GPC6: variants seen among roughly 807,000 people sequenced by gnomAD.
The protein encoded by GPC6 is glypican-6.
A neutral mutation model predicts 55.2 loss-of-function variants in GPC6; 14 were observed. That is an observed-to-expected ratio of 0.25 (90% CI 0.17 to 0.40). GPC6 has a LOEUF of 0.40. Ranked by LOEUF, GPC6 falls within the 10% of genes least tolerant of loss-of-function variation. The pLI is 1.00. For missense variants in GPC6, 641 were observed against 708.5 expected, an observed-to-expected ratio of 0.90 and a Z score of 1.08; for synonymous variants, 278 against 259.6, an observed-to-expected ratio of 1.07 and a Z score of -0.68.
chr13:93,912,728 T>G (rs748452078), intron 3 of GPC6, among the ~76,000 whole-genome samples: 96 of 152,144 alleles, frequency 6.3e-4, no homozygotes, highest in Admixed American at 1.8e-3. Flanking sequence ...GGGCGACAGA[T>G]AGAGACTCCG....
intron 3 of GPC6, among the ~76,000 whole-genome samples, chr13:93,972,990 C>CCT (rs996418042): frequency 6.8e-6 from 1 of 147,172 alleles, no homozygotes; most frequent in Non-Finnish European, 1.5e-5. Context: ...TCTCTCTCTC[C>CCT]CTCTCTCAGT....
intron 3 of GPC6, among the ~76,000 whole-genome samples, chr13:93,881,279 T>C (rs1291645983): frequency 6.6e-6 from 1 of 152,152 alleles, no homozygotes; most frequent in East Asian, 1.9e-4. Context: ...TTAAATGTAA[T>C]TATTTATTTG....
intron 2 of GPC6, among the ~76,000 whole-genome samples, chr13:93,694,855 A>T (rs1228672523): frequency 6.6e-6 from 1 of 152,080 alleles, no homozygotes; most frequent in Non-Finnish European, 1.5e-5. Flanking sequence ...CTATGTTGTC[A>T]TTCTCACTGG....
At chr13:93,406,651 T>C (rs974924481) in intron 1 of GPC6, among the ~76,000 whole-genome samples, 1 of 152,174 alleles carries the variant, frequency 6.6e-6, no homozygotes. Context: ...CCAATTTGTA[T>C]ACCATCTTAT....
chr13:94,382,140 G>A (rs1399566317), intron 6 of GPC6, among the ~76,000 whole-genome samples: 3 of 152,124 alleles, frequency 2.0e-5, no homozygotes, highest in South Asian at 2.1e-4. Flanking sequence ...GTGATGCTTC[G>A]TAAGTTTTTA....
chr13:93,759,129 G>T (rs911766173), intron 2 of GPC6, among the ~76,000 whole-genome samples: 6 of 152,118 alleles, frequency 3.9e-5, no homozygotes, highest in Admixed American at 3.9e-4. Context: ...TCCCAGAGAG[G>T]CAATGTCATC....
intron 5 of GPC6, among the ~76,000 whole-genome samples, chr13:94,290,326 T>C (rs1038292082): frequency 6.1e-5 from 9 of 147,678 alleles, no homozygotes; most frequent in African/African-American, 2.3e-4. Flanking sequence ...GAGACGGAGG[T>C]AGAAGGTTCA....
At chr13:94,165,698 C>T (rs1888346137) in intron 4 of GPC6, among the ~76,000 whole-genome samples, 3 of 152,036 alleles carry the variant, frequency 2.0e-5, no homozygotes, top group Admixed American at 2.0e-4. Flanking sequence ...GCTAGGTATG[C>T]TATAGTGCTA....
intron 6 of GPC6, among the ~76,000 whole-genome samples, chr13:94,345,604 G>C (rs781527213): frequency 6.6e-6 from 1 of 152,104 alleles, no homozygotes; most frequent in Non-Finnish European, 1.5e-5. Flanking sequence ...TGAAAAACAC[G>C]TGGGTCTAAG....
chr13:93,649,388 G>A (rs977577126), intron 2 of GPC6, among the ~76,000 whole-genome samples: 17 of 152,292 alleles, frequency 1.1e-4, no homozygotes, highest in African/African-American at 2.9e-4. Flanking sequence ...GGACATAGAT[G>A]CTGCAATAAG....
intron 2 of GPC6, among the ~76,000 whole-genome samples, chr13:93,563,077 T>G (rs991065842): frequency 6.6e-6 from 1 of 152,214 alleles, no homozygotes; most frequent in East Asian, 1.9e-4. Flanking sequence ...CCATTATGGC[T>G]TTTTCCATTT....
chr13:93,778,692 A>C (rs998196469), intron 2 of GPC6, among the ~76,000 whole-genome samples: 2 of 152,108 alleles, frequency 1.3e-5, no homozygotes, highest in African/African-American at 2.4e-5. Flanking sequence ...TCCTTAATCC[A>C]TTTAGCTAAC....
intron 1 of GPC6, among the ~76,000 whole-genome samples, chr13:93,307,023 G>A (rs1245601968): frequency 6.6e-6 from 1 of 152,008 alleles, no homozygotes; most frequent in African/African-American, 2.4e-5. Context: ...CTGAATAAAT[G>A]ATTTTTGAAT....
chr13:93,739,790 T>TAGTGTTTTTAATCGTA (rs1443559907), intron 2 of GPC6, among the ~76,000 whole-genome samples: 1 of 152,200 alleles, frequency 6.6e-6, no homozygotes, highest in Admixed American at 6.5e-5. Context: ...AACACTAGCG[T>TAGTGTTTTTAATCGTA]AGGGATTTAA....
chr13:93,735,671 T>C (rs1238067622), intron 2 of GPC6, among the ~76,000 whole-genome samples: 1 of 152,220 alleles, frequency 6.6e-6, no homozygotes, highest in African/African-American at 2.4e-5. Context: ...TCCTTCGTCT[T>C]TGAAGTTAAT....
At chr13:94,381,582 C>A (rs1473958232) in intron 6 of GPC6, among the ~76,000 whole-genome samples, 1 of 152,152 alleles carries the variant, frequency 6.6e-6, no homozygotes, top group Admixed American at 6.5e-5. Flanking sequence ...AATAAAGTCA[C>A]ATTCTGAGGT....
chr13:94,079,998 C>T (rs549524218), intron 4 of GPC6, among the ~76,000 whole-genome samples: 1 of 152,282 alleles, frequency 6.6e-6, no homozygotes, highest in South Asian at 2.1e-4. Context: ...TTTAATGAGT[C>T]ATAAGAAATG....
chr13:94,374,156 C>T (rs1341245159), intron 6 of GPC6, among the ~76,000 whole-genome samples: 1 of 151,444 alleles, frequency 6.6e-6, no homozygotes, highest in African/African-American at 2.4e-5. Context: ...ACTGCATCAA[C>T]TAACGAGCAA....
At chr13:94,220,731 C>T (rs1422683265) in intron 4 of GPC6, among the ~76,000 whole-genome samples, 2 of 152,008 alleles carry the variant, frequency 1.3e-5, no homozygotes, top group South Asian at 2.1e-4. Context: ...GGCAGCATAA[C>T]CTGAATATTC....
Sources: allele counts gnomAD v4.1 joint callset (sites outside exome capture counted in the v4.1 genomes callset), GRCh38; gene constraint gnomAD v4.1.1; transcripts MANE v1.5; gene names NCBI Gene and HGNC (gene_info 2026-07-23, HGNC 2026-07-21).